Variants in EPB41L4B observed in about 807,000 individuals in gnomAD.
EPB41L4B encodes erythrocyte membrane protein band 4.1 like 4B.
EPB41L4B carries 30 observed loss-of-function variants against 112.5 expected under a neutral mutation model. The ratio of observed to expected loss-of-function variants is 0.27; its 90% CI spans 0.20 to 0.36. The LOEUF (loss-of-function observed/expected upper bound fraction) is 0.36, where lower values mean the gene tolerates loss of function less well. Ranked by LOEUF, EPB41L4B falls within the 10% of genes least tolerant of loss-of-function variation. The pLI, the probability that EPB41L4B is intolerant of heterozygous loss-of-function variation, is 1.00. For synonymous variants in EPB41L4B, 408 were observed against 439.7 expected, an observed-to-expected ratio of 0.93 and a Z score of 0.90; for missense variants, 1,024 against 1,133.3, an observed-to-expected ratio of 0.90 and a Z score of 1.38.
chr9:109,224,869 T>C (rs1454932956), intron 15 of EPB41L4B, among the ~76,000 whole-genome samples: 1 of 152,106 alleles, frequency 6.6e-6, no homozygotes, highest in African/African-American at 2.4e-5. Context: ...GGGCTCGCTA[T>C]GGGGAGGGAG....
In EPB41L4B at chr9:109,308,704, T is replaced by A. The variant is rs367674268; in HGVS notation, c.306+11437A>T. On this transcript the variant is annotated intron_variant, in intron 1 of 25. Transcript: ENST00000374566. ...CCTCCCAAGTCGCTGGGATTACAGGTGTGTGCTATCACAATCAACTCTATT... is the reference window on the plus strand; with the variant it reads ...CCTCCCAAGTCGCTGGGATTACAGGAGTGTGCTATCACAATCAACTCTATT... Among the ~76,000 whole-genome samples, 225 of 152,320 alleles carry A rather than the reference T, an allele frequency of 1.5e-3. 2 individuals are homozygous for A. The highest frequency in any genetic ancestry group is 5.0e-3 in the South Asian group (24 of 4,822).
chr9:109,220,062 C>A (rs1833520084), intron 15 of EPB41L4B, among the ~76,000 whole-genome samples: 1 of 152,318 alleles, frequency 6.6e-6, no homozygotes, highest in African/African-American at 2.4e-5. Context: ...CTGGCATTAC[C>A]ACTGAACTTT....
intron 15 of EPB41L4B, among the ~76,000 whole-genome samples, chr9:109,231,393 A>G (rs1025168611): frequency 6.6e-6 from 1 of 152,186 alleles, no homozygotes; most frequent in Admixed American, 6.5e-5. Flanking sequence ...TCTTCAACAT[A>G]CCAGCACTGC....
At chr9:109,215,604 C>G (rs1311530211) in intron 16 of EPB41L4B, among the ~76,000 whole-genome samples, 1 of 152,172 alleles carries the variant, frequency 6.6e-6, no homozygotes, top group African/African-American at 2.4e-5. Flanking sequence ...TCTCCTGCCT[C>G]AACCTCCTGA....
chr9:109,319,421 A>C lies in EPB41L4B; in HGVS notation c.306+720T>G, dbSNP rs1375492647. Among the ~76,000 whole-genome samples, 4 of 152,070 alleles carry C rather than the reference A, an allele frequency of 2.6e-5. No homozygotes were observed. In the East Asian group the frequency reaches 7.8e-4, roughly 30 times the overall value. ...TGGCCCCCCGGGCACCCCGGGGTCG[A>C]CTCCCAGCGCCCCAGCAAAGGGCTC... is the stretch of plus-strand genomic sequence containing the variant. On this transcript the variant is annotated intron_variant, in intron 1 of 25. Coordinates refer to ENST00000374566, the MANE Select transcript of EPB41L4B (RefSeq NM_019114.5).
At chr9:109,320,085 G>A in intron 1 of EPB41L4B, 56 bp downstream of exon 1, 4 of 1,350,816 alleles carry the variant, frequency 3.0e-6, no homozygotes, top group Admixed American at 3.5e-5. Context: ...TGGGGGAGGG[G>A]GAGCTGCCTC....
intron 15 of EPB41L4B, among the ~76,000 whole-genome samples, chr9:109,228,198 G>C (rs1282686716): frequency 6.6e-6 from 1 of 152,148 alleles, no homozygotes; most frequent in Non-Finnish European, 1.5e-5. Flanking sequence ...AGGTTAGACA[G>C]TTCTTCCACT....
chr9:109,229,315 T>C (rs1833879431), intron 15 of EPB41L4B, among the ~76,000 whole-genome samples: 2 of 152,252 alleles, frequency 1.3e-5, no homozygotes, highest in African/African-American at 4.8e-5. Context: ...GGCCAAGAAA[T>C]CAACAGATTC....
intron 1 of EPB41L4B, among the ~76,000 whole-genome samples, chr9:109,306,173 C>T (rs535832301): frequency 9.9e-5 from 15 of 152,200 alleles, no homozygotes; most frequent in African/African-American, 2.9e-4. Flanking sequence ...AAAATTCTCT[C>T]GAGTAAATGC....
At chr9:109,238,220 T>C (rs1243824683) in intron 15 of EPB41L4B, among the ~76,000 whole-genome samples, 4 of 152,178 alleles carry the variant, frequency 2.6e-5, no homozygotes, top group Non-Finnish European at 5.9e-5. Flanking sequence ...CAGATCAATG[T>C]CTACCTACCG....
intron 1 of EPB41L4B, among the ~76,000 whole-genome samples, chr9:109,288,331 C>G (rs975207163): frequency 6.6e-6 from 1 of 152,114 alleles, no homozygotes; most frequent in Non-Finnish European, 1.5e-5. Context: ...GTCTATAATC[C>G]CAATAGTTTG....
At position 109,296,002 on chromosome 9, in the gene EPB41L4B, T is replaced by C. The variant is rs7034431; in HGVS notation, c.307-16081A>G. On this transcript the variant is annotated intron_variant, in intron 1 of 25. Coordinates refer to ENST00000374566, the MANE Select transcript of EPB41L4B (RefSeq NM_019114.5). ...AGAGGTTGAATTTGAAACAAGCTGCTGGAAGAAGGGCAGCCCTGAAAATAA... is the reference window on the plus strand; with the variant it reads ...AGAGGTTGAATTTGAAACAAGCTGCCGGAAGAAGGGCAGCCCTGAAAATAA... Among the ~76,000 whole-genome samples, 1,199 of 152,328 alleles carry C rather than the reference T, an allele frequency of 7.9e-3. 10 individuals are homozygous for C. The highest frequency in any genetic ancestry group is 0.027 in the African/African-American group (1,142 of 41,570).
intron 24 of EPB41L4B, among the ~76,000 whole-genome samples, chr9:109,176,968 CAGAA>C (rs1245641647): frequency 6.6e-6 from 1 of 152,200 alleles, no homozygotes; most frequent in Non-Finnish European, 1.5e-5. Context: ...ATTTGCCAAT[CAGAA>C]AGAAACATGT....
At chr9:109,246,970 A>T (rs10979771) in intron 14 of EPB41L4B, among the ~76,000 whole-genome samples, 4,073 of 152,192 alleles carry the variant, frequency 0.027, 150 homozygotes, top group East Asian at 0.099. Context: ...GCGTTTTTTT[A>T]AAAAAGATAT....
In EPB41L4B at chr9:109,221,897, T is replaced by C. The variant is rs552976927; in HGVS notation, c.1410-4752A>G. Reference sequence around the variant, plus strand: ...ATATCATCTGTCATGCCAACTCCAATTGATTTGCACTCTCTGCTTGGAGTG... The same window carrying C: ...ATATCATCTGTCATGCCAACTCCAACTGATTTGCACTCTCTGCTTGGAGTG... On this transcript the variant is annotated intron_variant, in intron 15 of 25. Coordinates refer to ENST00000374566, the MANE Select transcript of EPB41L4B (RefSeq NM_019114.5). Among the ~76,000 whole-genome samples the C allele has an allele frequency of 6.6e-5, 10 of 152,304 alleles. No individual in the cohort carries two copies. In the South Asian group the frequency reaches 1.7e-3, roughly 25 times the overall value.
At chr9:109,222,895 A>G (rs1040729623) in intron 15 of EPB41L4B, among the ~76,000 whole-genome samples, 4 of 152,190 alleles carry the variant, frequency 2.6e-5, no homozygotes, top group Admixed American at 2.0e-4. Context: ...CAGAGTGAGA[A>G]CTGACCCTGA....
At chr9:109,245,987 G>C (rs763761112) in intron 14 of EPB41L4B, among the ~76,000 whole-genome samples, 5 of 152,192 alleles carry the variant, frequency 3.3e-5, no homozygotes, top group Non-Finnish European at 7.3e-5. Context: ...CAGCTGCTTT[G>C]CTTTTCTAAA....
At chr9:109,218,131 T>TG (rs1758256189) in intron 15 of EPB41L4B, among the ~76,000 whole-genome samples, 2 of 126,678 alleles carry the variant, frequency 1.6e-5, no homozygotes, top group South Asian at 5.4e-4. Flanking sequence ...TAATTCTTTT[T>TG]TTTTTTTTTT....
At chr9:109,184,258 C>T (rs185211398) in intron 23 of EPB41L4B, among the ~76,000 whole-genome samples, 71 of 152,310 alleles carry the variant, frequency 4.7e-4, no homozygotes, top group Admixed American at 2.3e-3. Context: ...CTCACTCTGT[C>T]ACCCAGGCTG....
Sources: allele counts gnomAD v4.1 joint callset (sites outside exome capture counted in the v4.1 genomes callset), GRCh38; gene constraint gnomAD v4.1.1; transcripts MANE v1.5; gene names NCBI Gene and HGNC (gene_info 2026-07-23, HGNC 2026-07-21).